The following IMPG2 variants were observed in gnomAD, a reference collection of about 807,000 sequenced individuals.
IMPG2 encodes IPM 200.
In IMPG2, 91 loss-of-function variants were observed where a neutral mutation model predicts 129.2. That is an observed-to-expected ratio of 0.70 (90% CI 0.59 to 0.84). IMPG2 has a LOEUF of 0.84. IMPG2 is among the 40% of genes least tolerant of loss of function. The pLI is 0.00. For missense variants in IMPG2, 1,430 were observed against 1,461.7 expected (o/e 0.98, Z 0.35); for synonymous variants, 510 against 517.7 (o/e 0.99, Z 0.20).
In IMPG2 at chr3:101,226,946, C is replaced by A. The variant is rs1706230917; in HGVS notation, c.*23G>T. ...TCTCCATCTTCTCCAGGCTTCTAATCAGTTTCAGAACAGGAGTTTTGGTTA... is the reference window on the plus strand; with the variant it reads ...TCTCCATCTTCTCCAGGCTTCTAATAAGTTTCAGAACAGGAGTTTTGGTTA... On this transcript the variant is annotated 3_prime_UTR_variant, in exon 19 of 19. Coordinates refer to ENST00000193391, the MANE Select transcript of IMPG2 (RefSeq NM_016247.4). 5 of 1,611,556 alleles carry A rather than the reference C, an allele frequency of 3.1e-6. No individual in the cohort carries two copies. The highest frequency in any genetic ancestry group is 4.2e-6 in the Non-Finnish European group (5 of 1,177,900).
At chr3:101,256,798 G>T (rs755124606) in intron 10 of IMPG2, among the ~76,000 whole-genome samples, 2 of 152,058 alleles carry the variant, frequency 1.3e-5, no homozygotes, top group Non-Finnish European at 2.9e-5. Context: ...CTAAGTTACC[G>T]ATGAGTAAAG....
chr3:101,251,120 C>T (rs931682775), intron 11 of IMPG2, among the ~76,000 whole-genome samples: 3 of 152,072 alleles, frequency 2.0e-5, no homozygotes, highest in Admixed American at 1.3e-4. Context: ...CCCTTCAAGC[C>T]ATGCTTAAGA....
chr3:101,314,029 G>T (rs1484519629), intron 2 of IMPG2, among the ~76,000 whole-genome samples: 2 of 151,994 alleles, frequency 1.3e-5, no homozygotes, highest in Admixed American at 1.3e-4. Context: ...TCTGATAAAA[G>T]ATATGCAAGA....
intron 11 of IMPG2, among the ~76,000 whole-genome samples, chr3:101,253,010 T>A (rs1190419828): frequency 6.6e-6 from 1 of 152,202 alleles, no homozygotes; most frequent in Non-Finnish European, 1.5e-5. Flanking sequence ...GTAGATGTTA[T>A]CATTGTTGTT....
intron 3 of IMPG2, among the ~76,000 whole-genome samples, chr3:101,303,711 C>A (rs984914918): frequency 9.2e-5 from 14 of 152,182 alleles, no homozygotes; most frequent in African/African-American, 3.4e-4. Flanking sequence ...CTATGCCTCA[C>A]TAAACATTTA....
rs1448990889 is a variant in IMPG2, at chr3:101,245,803, A to G, written c.1542T>C (p.Asp514=). Residue 514 remains aspartate (D), a splice_region_variant and synonymous_variant, in exon 12 of 19, where the codon GAT becomes GAC. Transcript: ENST00000193391. ...CGAAAAGCAATTAAAGTTTCTCACC[A>G]TCTTCTACCAAGTGAGATCCAGAAG... ...ERTSGSHLVE[D]GLANVEESED... The G allele has an allele frequency of 1.2e-6, 2 of 1,613,394 alleles. No individual in the cohort carries two copies. Among genetic ancestry groups the G allele is most frequent in the Admixed American group, 1.7e-5 (1 of 60,016 alleles).
At chr3:101,280,810 A>G (rs1284394985) in intron 4 of IMPG2, among the ~76,000 whole-genome samples, 3 of 152,032 alleles carry the variant, frequency 2.0e-5, no homozygotes, top group Non-Finnish European at 4.4e-5. Flanking sequence ...TTAGCCGGGC[A>G]TAGTGGCACA....
At position 101,246,032 on chromosome 3, in the gene IMPG2, C is replaced by A. The variant is rs757668793; in HGVS notation, c.1313G>T (p.Ser438Ile). 7.4e-6 allele frequency: 12 copies of A among 1,613,980 alleles called. No homozygotes were observed. The East Asian group carries it at 2.4e-4, about 33-fold the overall frequency. ...ITSSIPPLDFSSGPPSATGRE... is the reference protein window; with the variant it reads ...ITSSIPPLDFISGPPSATGRE... ...GCCAGTGGCTGAGGGAGGACCAGAG[C>A]TGAAATCAAGTGGTGGAATACTGCT... The change falls in exon 12 of 19, where the codon AGC becomes ATC. Residue 438 changes from serine to isoleucine, a missense_variant. Physicochemically the swap from Ser to Ile is moderately radical, Grantham distance 142. Coordinates refer to ENST00000193391, the MANE Select transcript of IMPG2 (RefSeq NM_016247.4).
chr3:101,245,135 G>A (rs549651827), intron 12 of IMPG2, among the ~76,000 whole-genome samples: 17 of 151,886 alleles, frequency 1.1e-4, no homozygotes, highest in Non-Finnish European at 2.5e-4. Flanking sequence ...AAAATTCCCT[G>A]AACATTGTGT....
intron 4 of IMPG2, among the ~76,000 whole-genome samples, chr3:101,280,988 A>G (rs527350958): frequency 2.6e-5 from 4 of 152,086 alleles, no homozygotes; most frequent in Non-Finnish European, 4.4e-5. Flanking sequence ...CATGATGGGT[A>G]TTCTCAACTA....
intron 15 of IMPG2, 62 bp downstream of exon 15, chr3:101,232,719 C>A (rs1706302669): frequency 2.2e-6 from 3 of 1,387,924 alleles, no homozygotes; most frequent in East Asian, 2.3e-5. Flanking sequence ...TAGGTGCAGG[C>A]CCCTTTTCTT....
rs1275452214 is a variant in IMPG2, at chr3:101,225,576, C to A, written c.*1393G>T. 5 of 151,472 alleles carry A rather than the reference C, an allele frequency of 3.3e-5. No individual in the cohort carries two copies. Among genetic ancestry groups the A allele is most frequent in the Non-Finnish European group, 4.4e-5 (3 of 67,904 alleles). 9.4% of individuals were successfully genotyped at this position (151,472 alleles called of 1,614,324 possible). On this transcript the variant is annotated 3_prime_UTR_variant, in exon 19 of 19. Transcript: ENST00000193391. ...CATAATGAGCAGAATTGGCAGTCAT[C>A]AAGTTGAGAAAAAAAAAAGTGAACC...
chr3:101,242,483 T>A (rs1305047971), intron 14 of IMPG2, among the ~76,000 whole-genome samples: 1 of 152,156 alleles, frequency 6.6e-6, no homozygotes, highest in South Asian at 2.1e-4. Context: ...TAAAGTAACA[T>A]GTTTGGACGA....
At chr3:101,262,670 A>C (rs1172602660) in intron 9 of IMPG2, among the ~76,000 whole-genome samples, 3 of 151,980 alleles carry the variant, frequency 2.0e-5, no homozygotes, top group African/African-American at 7.2e-5. Flanking sequence ...ACTAGAAAAC[A>C]AACAACAAAA....
At chr3:101,294,065 A>G (rs1329072634) in intron 3 of IMPG2, among the ~76,000 whole-genome samples, 1 of 152,042 alleles carries the variant, frequency 6.6e-6, no homozygotes, top group African/African-American at 2.4e-5. Context: ...CTTTAAATTT[A>G]TTTTTATTTA....
intron 3 of IMPG2, among the ~76,000 whole-genome samples, chr3:101,293,941 G>T (rs945527377): frequency 1.3e-5 from 2 of 152,186 alleles, no homozygotes. Context: ...TCTGGCTTTG[G>T]TTAAGGGAAT....
intron 4 of IMPG2, among the ~76,000 whole-genome samples, chr3:101,286,882 C>T (rs185119849): frequency 2.6e-5 from 4 of 152,272 alleles, no homozygotes; most frequent in Non-Finnish European, 5.9e-5. Flanking sequence ...TTTGGGGCAG[C>T]TCCAGAGAAA....
chr3:101,261,556 C>G (rs1706670228), intron 9 of IMPG2, among the ~76,000 whole-genome samples: 1 of 152,110 alleles, frequency 6.6e-6, no homozygotes, highest in Non-Finnish European at 1.5e-5. Context: ...TATAATACTT[C>G]TATTATAATC....
chr3:101,291,821 T>G (rs1438533414), intron 3 of IMPG2, among the ~76,000 whole-genome samples: 1 of 152,226 alleles, frequency 6.6e-6, no homozygotes, highest in Non-Finnish European at 1.5e-5. Context: ...TGCAGAGTTT[T>G]ACATAAACCT....
Sources: gnomAD v4.1 joint callset for allele counts (sites outside exome capture counted in the v4.1 genomes callset) on GRCh38, gnomAD v4.1.1 for gene constraint, MANE v1.5 for transcripts, NCBI Gene and HGNC (gene_info 2026-07-23, HGNC 2026-07-21) for gene names.